Variants in LINGO2 observed in about 807,000 individuals in gnomAD.
The protein encoded by LINGO2 is leucine rich repeat and Ig domain containing 2.
LINGO2 carries 14 observed loss-of-function variants against 30.6 expected under a neutral mutation model. That is an observed-to-expected ratio of 0.46 (90% CI 0.30 to 0.72). LINGO2 has a LOEUF of 0.72. Ranked by LOEUF, LINGO2 falls within the 30% of genes least tolerant of loss-of-function variation. The pLI, the probability that LINGO2 is intolerant of heterozygous loss-of-function variation, is 0.07. For synonymous variants in LINGO2, 317 were observed against 288.5 expected, an observed-to-expected ratio of 1.10 and a Z score of -1.00; for missense variants, 729 against 751.7, an observed-to-expected ratio of 0.97 and a Z score of 0.35.
the LINGO2 span, among the ~76,000 whole-genome samples, chr9:29,047,109 A>T: frequency 7.3e-6 from 1 of 137,296 alleles, no homozygotes; most frequent in Admixed American, 7.5e-5. Flanking sequence ...GTAAACAGAC[A>T]CCTACAGAAT....
chr9:28,710,635 A>C, the LINGO2 span, among the ~76,000 whole-genome samples: 42,380 of 151,846 alleles, frequency 0.28, 6,314 homozygotes, highest in Admixed American at 0.44. Flanking sequence ...TCTCTTTCTA[A>C]ATTTCACTGG....
chr9:28,305,476 C>CA (rs1424279142), intron 3 of LINGO2, among the ~76,000 whole-genome samples: 1 of 151,934 alleles, frequency 6.6e-6, no homozygotes, highest in Admixed American at 6.6e-5. Context: ...GGAATCTACA[C>CA]AAAAAGTACC....
chr9:28,290,362 T>G (rs1823677255), intron 4 of LINGO2, among the ~76,000 whole-genome samples: 1 of 152,140 alleles, frequency 6.6e-6, no homozygotes, highest in Non-Finnish European at 1.5e-5. Context: ...ACCATTGCAG[T>G]GCACTCGGCA....
chr9:28,561,902 A>G (rs2135554255), intron 1 of LINGO2, among the ~76,000 whole-genome samples: 1 of 151,312 alleles, frequency 6.6e-6, no homozygotes, highest in Non-Finnish European at 1.5e-5. Context: ...TCTGTGGTGT[A>G]CCAATATGCA....
At chr9:28,189,240 G>A (rs1028886192) in intron 4 of LINGO2, among the ~76,000 whole-genome samples, 2 of 141,696 alleles carry the variant, frequency 1.4e-5, no homozygotes, top group African/African-American at 5.3e-5. Context: ...AGGAAAAAAG[G>A]AAGGGAGGAA....
At chr9:28,246,801 T>C (rs1822017725) in intron 4 of LINGO2, among the ~76,000 whole-genome samples, 1 of 152,176 alleles carries the variant, frequency 6.6e-6, no homozygotes. Context: ...GAAACTATCG[T>C]TAGATTGAAC....
At chr9:28,291,949 A>C (rs1253390441) in intron 4 of LINGO2, among the ~76,000 whole-genome samples, 1 of 152,248 alleles carries the variant, frequency 6.6e-6, no homozygotes, top group Non-Finnish European at 1.5e-5. Context: ...GAAAAAAGAC[A>C]CATTGCATAT....
the LINGO2 span, among the ~76,000 whole-genome samples, chr9:29,114,781 A>G: frequency 2.0e-5 from 3 of 147,818 alleles, no homozygotes; most frequent in Admixed American, 2.1e-4. Context: ...TATGTGCCAT[A>G]TTTTTTTAAT....
At position 27,954,460 on chromosome 9, in the gene LINGO2, G is replaced by C. The variant is rs10968223; in HGVS notation, c.-35-3754C>G. On this transcript the variant is annotated intron_variant, in intron 5 of 5. Transcript: ENST00000379992. ...AGAACATGTGATACTGTCTTTCTGT[G>C]CTCGGCTTAATTCACTTACTATAAT... 0.013 allele frequency among the ~76,000 whole-genome samples: 1,905 copies of C among 152,212 alleles called. 130 individuals are homozygous for C. The East Asian group carries it at 0.21, about 17-fold the overall frequency.
At chr9:28,663,329 C>T (rs1235214877) in intron 1 of LINGO2, among the ~76,000 whole-genome samples, 1 of 152,032 alleles carries the variant, frequency 6.6e-6, no homozygotes, top group East Asian at 1.9e-4. Flanking sequence ...GGCCAACATG[C>T]CTGGCTAATT....
chr9:28,415,347 T>C (rs942966633), intron 2 of LINGO2, among the ~76,000 whole-genome samples: 3 of 152,182 alleles, frequency 2.0e-5, no homozygotes, highest in Admixed American at 6.6e-5. Flanking sequence ...ATGTTTTTGA[T>C]GACAACAGGC....
At chr9:28,266,198 A>T (rs927017054) in intron 4 of LINGO2, among the ~76,000 whole-genome samples, 1 of 151,974 alleles carries the variant, frequency 6.6e-6, no homozygotes, top group African/African-American at 2.4e-5. Flanking sequence ...AACCCAAAAG[A>T]TCCCCATTTG....
At position 28,330,810 on chromosome 9, in the gene LINGO2, T is replaced by G. The variant is rs185321440; in HGVS notation, c.-245-35444A>C. On this transcript the variant is annotated intron_variant, in intron 3 of 5. Coordinates refer to ENST00000379992, the Ensembl canonical transcript of LINGO2. The stretch of plus-strand genomic sequence containing the variant: ...TCCCGTTCTCACCTTCCAGGACATG[T>G]GGTGTTCAAAAGAGTGACCACAAAT... Among the ~76,000 whole-genome samples the G allele has an allele frequency of 1.7e-3, 253 of 152,278 alleles. 1 individual carries two copies. Among genetic ancestry groups the G allele is most frequent in the Non-Finnish European group, 2.4e-3 (160 of 68,036 alleles).
the LINGO2 span, among the ~76,000 whole-genome samples, chr9:29,163,713 C>A: frequency 1.3e-5 from 2 of 152,166 alleles, no homozygotes; most frequent in Non-Finnish European, 2.9e-5. Context: ...AATACATACA[C>A]AATGATTCAG....
intron 3 of LINGO2, among the ~76,000 whole-genome samples, chr9:28,342,993 G>C (rs904704970): frequency 3.3e-5 from 5 of 152,246 alleles, no homozygotes; most frequent in East Asian, 1.9e-4. Context: ...TGGGTAGATA[G>C]TGATTTCTAA....
chr9:29,131,695 T>C, the LINGO2 span, among the ~76,000 whole-genome samples: 1 of 152,054 alleles, frequency 6.6e-6, no homozygotes, highest in Non-Finnish European at 1.5e-5. Flanking sequence ...CCTTGAAAAG[T>C]CATCAATGTA....
chr9:28,793,743 G>GA, the LINGO2 span, among the ~76,000 whole-genome samples: 1 of 152,140 alleles, frequency 6.6e-6, no homozygotes, highest in African/African-American at 2.4e-5. Context: ...TATTCAAAGT[G>GA]TAGTTCTGGA....
the LINGO2 span, among the ~76,000 whole-genome samples, chr9:28,707,038 T>C: frequency 6.6e-6 from 1 of 152,128 alleles, no homozygotes; most frequent in African/African-American, 2.4e-5. Flanking sequence ...TTCCCTTCTT[T>C]CAAAATATTT....
upstream of LINGO2, among the ~76,000 whole-genome samples, chr9:28,670,760 A>G (rs953538903): frequency 6.6e-6 from 1 of 152,126 alleles, no homozygotes; most frequent in African/African-American, 2.4e-5. Flanking sequence ...AATGTAGGAA[A>G]TGATGGTTAT....
Sources: allele counts gnomAD v4.1 joint callset (sites outside exome capture counted in the v4.1 genomes callset), GRCh38; gene constraint gnomAD v4.1.1; transcripts MANE v1.5; gene names NCBI Gene and HGNC (gene_info 2026-07-23, HGNC 2026-07-21).